FBXL7: variants seen among roughly 807,000 people sequenced by gnomAD.
The protein encoded by FBXL7 is F-box/LRR-repeat protein 7.
A neutral mutation model predicts 38.3 loss-of-function variants in FBXL7; 12 were observed. The ratio of observed to expected loss-of-function variants is 0.31; its 90% confidence interval spans 0.20 to 0.51. The LOEUF (loss-of-function observed/expected upper bound fraction) is 0.51, where lower values mean the gene tolerates loss of function less well. FBXL7 is among the 20% of genes least tolerant of loss of function. The probability of loss-of-function intolerance (pLI) is 0.98; values close to 1 mark genes in which losing one functional copy is unlikely to be tolerated. For synonymous variants in FBXL7, 297 were observed against 300.9 expected, an observed-to-expected ratio of 0.99 and a Z score of 0.13; for missense variants, 567 against 676.4, an observed-to-expected ratio of 0.84 and a Z score of 1.79.
At chr5:15,923,292 A>G (rs1207287683) in intron 2 of FBXL7, among the ~76,000 whole-genome samples, 2 of 152,208 alleles carry the variant, frequency 1.3e-5, no homozygotes, top group African/African-American at 4.8e-5. Flanking sequence ...TGGTCTTTCT[A>G]CATTCTCTTC....
At chr5:15,826,709 G>A (rs749480020) in intron 2 of FBXL7, among the ~76,000 whole-genome samples, 4 of 152,096 alleles carry the variant, frequency 2.6e-5, no homozygotes, top group Non-Finnish European at 5.9e-5. Context: ...ATGATCCACC[G>A]CACCTGGCCA....
At chr5:15,690,155 G>A (rs1743137243) in intron 2 of FBXL7, among the ~76,000 whole-genome samples, 1 of 152,090 alleles carries the variant, frequency 6.6e-6, no homozygotes, top group African/African-American at 2.4e-5. Context: ...AATGAGCTAA[G>A]TAATGAGGCA....
chr5:15,696,205 C>T (rs1743329036), intron 2 of FBXL7, among the ~76,000 whole-genome samples: 1 of 152,152 alleles, frequency 6.6e-6, no homozygotes. Flanking sequence ...TTTACAGTCT[C>T]CTCTCATTTC....
intron 1 of FBXL7, among the ~76,000 whole-genome samples, chr5:15,543,613 A>T (rs564946134): frequency 6.6e-6 from 1 of 152,304 alleles, no homozygotes; most frequent in South Asian, 2.1e-4. Context: ...TATCTCCATG[A>T]TACTGGAAAC....
intron 1 of FBXL7, among the ~76,000 whole-genome samples, chr5:15,523,558 C>CA (rs756116546): frequency 0.049 from 6,354 of 130,046 alleles, 339 homozygotes; most frequent in African/African-American, 0.14. Context: ...GACTCTGTCT[C>CA]AAAAAAAAAA....
At chr5:15,823,306 C>T (rs1404581571) in intron 2 of FBXL7, among the ~76,000 whole-genome samples, 2 of 152,140 alleles carry the variant, frequency 1.3e-5, no homozygotes, top group Non-Finnish European at 2.9e-5. Context: ...CATTCCCATA[C>T]TTAATTTAAC....
In FBXL7 at chr5:15,523,483, C is replaced by T. The variant is rs112350761; in HGVS notation, c.37+22770C>T. ...CTGAGGCAGGAGAATGGCGTGAACC[C>T]GGGAGGTGGAGCTTGCAGTGAGCTG... On this transcript the variant is annotated intron_variant, in intron 1 of 3. Coordinates refer to ENST00000504595, the MANE Select transcript of FBXL7 (RefSeq NM_012304.5). 6.0e-3 allele frequency among the ~76,000 whole-genome samples: 911 copies of T among 151,784 alleles called. 10 individuals carry two copies. The highest frequency in any genetic ancestry group is 0.02 in the African/African-American group (838 of 41,318).
intron 2 of FBXL7, among the ~76,000 whole-genome samples, chr5:15,833,504 G>A (rs994094366): frequency 7.9e-5 from 12 of 152,174 alleles, no homozygotes; most frequent in African/African-American, 2.4e-4. Context: ...CCCAGAGTGC[G>A]TTATTTACTC....
chr5:15,669,134 G>A (rs575535928), intron 2 of FBXL7, among the ~76,000 whole-genome samples: 8 of 152,152 alleles, frequency 5.3e-5, no homozygotes, highest in Admixed American at 1.3e-4. Flanking sequence ...GTTCACGCTC[G>A]AATTTGACAT....
At chr5:15,609,537 C>G (rs572368562) in intron 1 of FBXL7, among the ~76,000 whole-genome samples, 14 of 152,302 alleles carry the variant, frequency 9.2e-5, no homozygotes, top group South Asian at 2.1e-4. Context: ...TTTCCTAATG[C>G]CAAGTTCTGA....
intron 2 of FBXL7, among the ~76,000 whole-genome samples, chr5:15,921,273 C>T (rs1028247441): frequency 1.3e-5 from 2 of 151,038 alleles, no homozygotes; most frequent in African/African-American, 4.9e-5. Flanking sequence ...CCCGGCTGCT[C>T]AGGAGGCTGA....
At chr5:15,875,125 C>G (rs1740145459) in intron 2 of FBXL7, among the ~76,000 whole-genome samples, 2 of 152,296 alleles carry the variant, frequency 1.3e-5, no homozygotes, top group South Asian at 4.1e-4. Context: ...CTACACACAT[C>G]TGATCTTTGA....
chr5:15,713,899 T>G (rs1277968900), intron 2 of FBXL7, among the ~76,000 whole-genome samples: 2 of 152,198 alleles, frequency 1.3e-5, no homozygotes, highest in African/African-American at 4.8e-5. Flanking sequence ...ATTTTGTTCT[T>G]TAAATACCTA....
intron 2 of FBXL7, among the ~76,000 whole-genome samples, chr5:15,821,537 T>G (rs1027707751): frequency 6.6e-6 from 1 of 152,214 alleles, no homozygotes; most frequent in Non-Finnish European, 1.5e-5. Flanking sequence ...GAACATCATT[T>G]TACTTAGCTG....
intron 2 of FBXL7, among the ~76,000 whole-genome samples, chr5:15,869,706 G>T (rs1447623126): frequency 6.6e-6 from 1 of 152,100 alleles, no homozygotes; most frequent in African/African-American, 2.4e-5. Flanking sequence ...CATATATTTT[G>T]TCATGAAGTG....
At chr5:15,798,821 G>A (rs775981731) in intron 2 of FBXL7, among the ~76,000 whole-genome samples, 8 of 152,010 alleles carry the variant, frequency 5.3e-5, no homozygotes, top group East Asian at 3.9e-4. Flanking sequence ...GAATGTGGTC[G>A]TCATTATATC....
intron 2 of FBXL7, among the ~76,000 whole-genome samples, chr5:15,726,879 T>C (rs1735417982): frequency 6.6e-6 from 1 of 152,126 alleles, no homozygotes; most frequent in Non-Finnish European, 1.5e-5. Flanking sequence ...GTTTTCTACA[T>C]GCCATATAGC....
At chr5:15,749,543 C>T (rs980408126) in intron 2 of FBXL7, among the ~76,000 whole-genome samples, 5 of 151,944 alleles carry the variant, frequency 3.3e-5, no homozygotes, top group Non-Finnish European at 4.4e-5. Flanking sequence ...AGGAGAATGG[C>T]GTGAACCCAG....
At chr5:15,653,681 G>A (rs1397187265) in intron 2 of FBXL7, among the ~76,000 whole-genome samples, 1 of 152,168 alleles carries the variant, frequency 6.6e-6, no homozygotes, top group Admixed American at 6.5e-5. Context: ...ATATGTAAAA[G>A]CCATTGACCA....
Sources: gnomAD v4.1 joint callset for allele counts (sites outside exome capture counted in the v4.1 genomes callset) on GRCh38, gnomAD v4.1.1 for gene constraint, MANE v1.5 for transcripts, NCBI Gene and HGNC (gene_info 2026-07-23, HGNC 2026-07-21) for gene names.